NIPAL2: variants seen among roughly 807,000 people sequenced by gnomAD.
NIPAL2 encodes the protein NIPA like domain containing 2, also known as NIPA-like protein 2.
Under a neutral mutation model 48.9 loss-of-function variants are expected in NIPAL2, and 43 were observed. The observed-to-expected ratio is 0.88, with a 90% CI of 0.69 to 1.13. The LOEUF is 1.13. Among genes scored for constraint, NIPAL2 ranks in the 50% most tolerant of loss-of-function variants. NIPAL2 has a pLI of 0.00. For missense variants in NIPAL2, 446 were observed against 461.4 expected (o/e 0.97, Z 0.31); for synonymous variants, 167 against 174.6 (o/e 0.96, Z 0.34).
chr8:98,196,014 C>A lies in NIPAL2; in HGVS notation c.881-9G>T. 6.5e-7 allele frequency: 1 copy of A among 1,540,380 alleles called. No individual in the cohort carries two copies. Among genetic ancestry groups the A allele is most frequent in the African/African-American group, 1.4e-5 (1 of 72,584 alleles). ...CTGATAAAATATGATACCTGTAACA[C>A]AGGAAAAGAAGACAAAATTGATTTT... is the stretch of plus-strand genomic sequence containing the variant. On this transcript the variant is annotated splice_polypyrimidine_tract_variant and intron_variant, in intron 8 of 10. Coordinates refer to ENST00000430223, the MANE Select transcript of NIPAL2 (RefSeq NM_001321635.2).
chr8:98,290,081 G>T lies in NIPAL2; in HGVS notation c.135+3922C>A, dbSNP rs562689863. Among the ~76,000 whole-genome samples the T allele has an allele frequency of 1.2e-4, 19 of 152,302 alleles. No individual in the cohort carries two copies. The South Asian group carries it at 3.5e-3, about 28-fold the overall frequency. ...AGTAGTTTTGCAGTTAAACCCACTT[G>T]CTGTAAGATCTTGGGGCAAGATATT... On this transcript the variant is annotated intron_variant, in intron 1 of 10. Coordinates refer to ENST00000430223, the MANE Select transcript of NIPAL2 (RefSeq NM_001321635.2).
At chr8:98,219,980 T>G (rs925733244) in intron 5 of NIPAL2, among the ~76,000 whole-genome samples, 1 of 152,114 alleles carries the variant, frequency 6.6e-6, no homozygotes, top group African/African-American at 2.4e-5. Context: ...GAAGACATTC[T>G]TGGTATAAAT....
chr8:98,216,563 T>C (rs7006240), intron 5 of NIPAL2, among the ~76,000 whole-genome samples: 41,606 of 152,188 alleles, frequency 0.27, 5,887 homozygotes, highest in African/African-American at 0.33. Flanking sequence ...GATGGTGGGT[T>C]TTGTTGCAGC....
At chr8:98,249,577 AT>A (rs1320949012) in intron 3 of NIPAL2, among the ~76,000 whole-genome samples, 1 of 148,570 alleles carries the variant, frequency 6.7e-6, no homozygotes, top group East Asian at 1.9e-4. Flanking sequence ...CAATTAATAT[AT>A]TATCTATTAA....
chr8:98,247,956 C>T (rs1237525203), intron 3 of NIPAL2, among the ~76,000 whole-genome samples: 2 of 152,214 alleles, frequency 1.3e-5, no homozygotes, highest in Non-Finnish European at 2.9e-5. Flanking sequence ...GCCATTCGGC[C>T]TCTCTGTAGT....
chr8:98,267,937 T>G (rs944561178), intron 1 of NIPAL2, among the ~76,000 whole-genome samples: 1 of 152,156 alleles, frequency 6.6e-6, no homozygotes, highest in African/African-American at 2.4e-5. Context: ...GTTGTCAAAA[T>G]CATGTGGGAG....
chr8:98,196,005 C>T lies in NIPAL2; in HGVS notation c.881G>A (p.Gly294Asp). 6.4e-7 allele frequency: 1 copy of T among 1,563,750 alleles called. No individual in the cohort carries two copies. Among genetic ancestry groups the T allele is most frequent in the Non-Finnish European group, 8.7e-7 (1 of 1,144,548 alleles). The stretch of plus-strand genomic sequence containing the variant: ...AAGGAATTCCTGATAAAATATGATA[C>T]CTGTAACACAGGAAAAGAAGACAAA... Reference protein sequence around the residue: ...IFFTISAIIAGIIFYQEFLGA... With the variant: ...IFFTISAIIADIIFYQEFLGA... The change falls in exon 9 of 11, where the codon GGT (glycine) becomes GAT (aspartate). Residue 294 changes from glycine (G) to aspartate (D), a missense_variant and splice_region_variant. Transcript: ENST00000430223.
chr8:98,232,136 T>G (rs1812468893), intron 4 of NIPAL2, among the ~76,000 whole-genome samples: 1 of 152,162 alleles, frequency 6.6e-6, no homozygotes, highest in Non-Finnish European at 1.5e-5. Context: ...TCCTTGGACT[T>G]CCGTAAATAT....
chr8:98,247,338 C>T (rs1394464220), intron 3 of NIPAL2, among the ~76,000 whole-genome samples: 2 of 152,186 alleles, frequency 1.3e-5, no homozygotes, highest in South Asian at 2.1e-4. Context: ...TGTCAAGCAA[C>T]GAGACACACA....
intron 5 of NIPAL2, among the ~76,000 whole-genome samples, chr8:98,220,115 G>A (rs930666755): frequency 8.6e-5 from 13 of 152,018 alleles, no homozygotes; most frequent in Admixed American, 8.5e-4. Flanking sequence ...GGAAACAAAG[G>A]AAATGAAAGT....
intron 1 of NIPAL2, among the ~76,000 whole-genome samples, chr8:98,292,840 G>T (rs1398150921): frequency 6.6e-6 from 1 of 151,452 alleles, no homozygotes; most frequent in Non-Finnish European, 1.5e-5. Flanking sequence ...CCATAAAAAT[G>T]ATGCTTTTCT....
chr8:98,210,800 C>A (rs1586314496), intron 6 of NIPAL2, among the ~76,000 whole-genome samples: 1 of 152,300 alleles, frequency 6.6e-6, no homozygotes, highest in East Asian at 1.9e-4. Flanking sequence ...TAAATTACCC[C>A]TTTTATCTCA....
At chr8:98,243,056 G>C (rs540777472) in intron 3 of NIPAL2, among the ~76,000 whole-genome samples, 2 of 152,318 alleles carry the variant, frequency 1.3e-5, no homozygotes, top group South Asian at 4.1e-4. Context: ...AATACTATCC[G>C]TAAGGGGAAA....
At position 98,294,110 on chromosome 8, in the gene NIPAL2, C is replaced by T. The variant is rs1816644279; in HGVS notation, c.28G>A (p.Gly10Arg). The change falls in exon 1 of 11, where the codon GGG (glycine) becomes AGG (arginine). Residue 10 changes from glycine to arginine, a missense_variant. Gly to Arg is a moderately radical substitution (Grantham distance 125). Transcript: ENST00000430223. ...TCCAGGGCGGCCGAGGCGGAGTCCC[C>T]GGGGCCCGCGGGCGCCACCGCTGCC... MAAVAPAGP[G>R]DSASAALDEL... 5 of 1,473,570 alleles carry T rather than the reference C, an allele frequency of 3.4e-6. No individual in the cohort carries two copies. The highest frequency in any genetic ancestry group is 2.5e-5 in the Admixed American group (1 of 40,372). 91.3% of individuals were successfully genotyped at this position (1,473,570 alleles called of 1,614,324 possible).
chr8:98,197,541 T>C (rs1209072103), intron 8 of NIPAL2, among the ~76,000 whole-genome samples: 1 of 152,240 alleles, frequency 6.6e-6, no homozygotes, highest in African/African-American at 2.4e-5. Flanking sequence ...TAGCATGCCA[T>C]ACTGTTTGAC....
chr8:98,268,637 C>T lies in NIPAL2; in HGVS notation c.136-14550G>A, dbSNP rs532587623. Among the ~76,000 whole-genome samples, 41 of 140,388 alleles carry T rather than the reference C, an allele frequency of 2.9e-4. 1 individual carries two copies. Among genetic ancestry groups the T allele is most frequent in the African/African-American group, 1.0e-3 (40 of 38,510 alleles). The allele number at this position is 140,388 out of a possible 152,430, so 92.1% of individuals were successfully genotyped here. A position where few individuals can be genotyped will look rare whatever the true frequency, so the allele number is the denominator to read the frequency against. On this transcript the variant is annotated intron_variant, in intron 1 of 10. Transcript: ENST00000430223. ...CTGTCTCAAAGAAAAAAAAAAAAAA[C>T]AAGAAGAAAGAAAAAAACCCCACAA...
chr8:98,211,733 A>AAGTGTGTGTGTGTGTGTGT (rs1271888062), intron 6 of NIPAL2, among the ~76,000 whole-genome samples: 67 of 109,136 alleles, frequency 6.1e-4, no homozygotes, highest in African/African-American at 2.5e-3. Context: ...AGAGAGAGAA[A>AAGTGTGTGTGTGTGTGTGT]GTGTGTGTGT....
intron 3 of NIPAL2, among the ~76,000 whole-genome samples, chr8:98,246,842 C>T (rs1350692823): frequency 6.6e-6 from 1 of 152,152 alleles, no homozygotes; most frequent in Admixed American, 6.5e-5. Flanking sequence ...GCAATGATCT[C>T]CCTCCATATC....
chr8:98,199,446 AT>A (rs1261347071), intron 8 of NIPAL2, among the ~76,000 whole-genome samples: 2 of 152,072 alleles, frequency 1.3e-5, no homozygotes, highest in Non-Finnish European at 2.9e-5. Context: ...GGGTTATTAT[AT>A]TTAATAATAT....
Sources: allele counts gnomAD v4.1 joint callset (sites outside exome capture counted in the v4.1 genomes callset), GRCh38; gene constraint gnomAD v4.1.1; transcripts MANE v1.5; gene names NCBI Gene and HGNC (gene_info 2026-07-23, HGNC 2026-07-21).